UVRAG: variants seen among roughly 807,000 people sequenced by gnomAD.
UVRAG encodes the protein UV radiation resistance associated.
A neutral mutation model predicts 78.0 loss-of-function variants in UVRAG; 19 were observed. The observed-to-expected ratio is 0.24, with a 90% CI of 0.17 to 0.36. The LOEUF (loss-of-function observed/expected upper bound fraction) is 0.36, where lower values mean the gene tolerates loss of function less well. UVRAG is among the 10% of genes least tolerant of loss of function. The probability of loss-of-function intolerance (pLI) is 1.00; values close to 1 mark genes in which losing one functional copy is unlikely to be tolerated. For synonymous variants in UVRAG, 323 were observed against 324.6 expected, an observed-to-expected ratio of 1.00 and a Z score of 0.05; for missense variants, 740 against 853.8, an observed-to-expected ratio of 0.87 and a Z score of 1.66.
At chr11:75,835,412 G>A (rs749368710) in intron 1 of UVRAG, 9 of 152,134 alleles carry the variant, frequency 5.9e-5, no homozygotes, top group Admixed American at 3.9e-4. Flanking sequence ...ATGTGACACA[G>A]TGGGAAGAAC....
At chr11:75,864,016 G>A (rs913722634) in intron 3 of UVRAG, among the ~76,000 whole-genome samples, 2 of 151,642 alleles carry the variant, frequency 1.3e-5, no homozygotes, top group Admixed American at 6.6e-5. Context: ...ATTTTGGCAA[G>A]GATTCTTTTT....
At chr11:76,019,922 A>C (rs1950211956) in intron 12 of UVRAG, among the ~76,000 whole-genome samples, 1 of 152,104 alleles carries the variant, frequency 6.6e-6, no homozygotes, top group African/African-American at 2.4e-5. Context: ...TCAGGGCAGC[A>C]AGTTTCCCCC....
chr11:76,030,955 A>G (rs948335735), intron 12 of UVRAG, among the ~76,000 whole-genome samples: 4 of 152,318 alleles, frequency 2.6e-5, no homozygotes, highest in Middle Eastern at 6.8e-3. Flanking sequence ...AAATATTTTC[A>G]GGGTAGAAAC....
rs190676012 is a variant in UVRAG, at chr11:75,868,220, T to C, written c.270+6440T>C. Among the ~76,000 whole-genome samples, 7 of 152,276 alleles carry C rather than the reference T, an allele frequency of 4.6e-5. No individual in the cohort carries two copies. In the East Asian group the frequency reaches 1.3e-3, roughly 29 times the overall value. Reference sequence around the variant, plus strand: ...GACAGAAGTGAGGGAACAAGCTATATAGCTATTTCAGGAATACTGTTACGG... The same window carrying C: ...GACAGAAGTGAGGGAACAAGCTATACAGCTATTTCAGGAATACTGTTACGG... On this transcript the variant is annotated intron_variant, in intron 3 of 14. Transcript: ENST00000356136.
chr11:76,029,603 C>G (rs1170354545), intron 12 of UVRAG, among the ~76,000 whole-genome samples: 2 of 152,026 alleles, frequency 1.3e-5, no homozygotes, highest in Middle Eastern at 3.2e-3. Context: ...ATAACTATTT[C>G]ATGATAAAAG....
chr11:76,127,621 CA>C, intron 14 of UVRAG, among the ~76,000 whole-genome samples: 1 of 119,750 alleles, frequency 8.4e-6, no homozygotes. Flanking sequence ...GCAACAAGAA[CA>C]AAACTCCGTC....
At chr11:75,993,972 A>G (rs1041066524) in intron 8 of UVRAG, among the ~76,000 whole-genome samples, 5 of 152,186 alleles carry the variant, frequency 3.3e-5, no homozygotes, top group African/African-American at 1.2e-4. Flanking sequence ...TACCAAAGCA[A>G]GAACTCACTA....
chr11:75,923,823 A>G (rs1437046332), intron 6 of UVRAG, among the ~76,000 whole-genome samples: 1 of 152,160 alleles, frequency 6.6e-6, no homozygotes, highest in East Asian at 1.9e-4. Context: ...GTTTTATTTT[A>G]TAATTCTTTT....
At chr11:75,976,095 A>C (rs200116016) in intron 7 of UVRAG, among the ~76,000 whole-genome samples, 6,223 of 152,278 alleles carry the variant, frequency 0.041, 205 homozygotes, top group East Asian at 0.17. Context: ...GAATTTTGTC[A>C]AAGGCTTTTT....
chr11:75,818,481 A>G (rs572575474), intron 1 of UVRAG, among the ~76,000 whole-genome samples: 6 of 143,156 alleles, frequency 4.2e-5, no homozygotes, highest in East Asian at 4.0e-4. Context: ...CAAGGTATCA[A>G]TTTTTTTTTT....
chr11:76,114,828 T>A (rs187038606), intron 13 of UVRAG, among the ~76,000 whole-genome samples: 1 of 152,312 alleles, frequency 6.6e-6, no homozygotes, highest in Admixed American at 6.5e-5. Context: ...ATTCACATGA[T>A]TTGTGGTTTT....
intron 3 of UVRAG, among the ~76,000 whole-genome samples, chr11:75,874,112 C>G: frequency 6.6e-6 from 1 of 152,074 alleles, no homozygotes; most frequent in East Asian, 1.9e-4. Context: ...GTGGAGTCTC[C>G]CCAGTTCTTT....
At chr11:76,056,567 A>C (rs1305234694) in intron 12 of UVRAG, among the ~76,000 whole-genome samples, 1 of 152,016 alleles carries the variant, frequency 6.6e-6, no homozygotes, top group African/African-American at 2.4e-5. Context: ...TCCTTGTTGT[A>C]TAAGTTAAAC....
At position 75,993,382 on chromosome 11, in the gene UVRAG, A is replaced by G. The variant is rs559141034; in HGVS notation, c.826+9869A>G. Among the ~76,000 whole-genome samples, 6 of 152,280 alleles carry G rather than the reference A, an allele frequency of 3.9e-5. No homozygotes were observed. In the South Asian group the frequency reaches 6.2e-4, roughly 16 times the overall value. On this transcript the variant is annotated intron_variant, in intron 8 of 14. Transcript: ENST00000356136. ...GGCAGTGGTTCTCAACTTGTGGTCT[A>G]TGGCAACTTCCAGCTGGGTCATGAG... is the stretch of plus-strand genomic sequence containing the variant.
intron 4 of UVRAG, among the ~76,000 whole-genome samples, chr11:75,885,012 C>T (rs1691482247): frequency 6.7e-6 from 1 of 149,104 alleles, no homozygotes; most frequent in African/African-American, 2.5e-5. Context: ...ATAGATATGT[C>T]TCTCCATTTA....
At chr11:76,075,963 G>A (rs772297309) in intron 13 of UVRAG, among the ~76,000 whole-genome samples, 3 of 152,084 alleles carry the variant, frequency 2.0e-5, no homozygotes, top group Admixed American at 6.6e-5. Flanking sequence ...AGATGTGTAT[G>A]TATATACGAC....
Position 75,836,758 on chromosome 11 carries a change from G to T in UVRAG, c.118-15125G>T, listed in dbSNP as rs536691450. Among the ~76,000 whole-genome samples the T allele has an allele frequency of 5.7e-4, 86 of 152,192 alleles. 2 individuals are homozygous for T. In the South Asian group the frequency reaches 0.017, roughly 30 times the overall value. On this transcript the variant is annotated intron_variant, in intron 1 of 14. Transcript: ENST00000356136. ...TTAAGAAGGTGCAAGTCATTAAAAA[G>T]CATTAAACTTTAACATGCTAACTTC...
At chr11:75,981,874 G>A (rs1439960149) in intron 7 of UVRAG, among the ~76,000 whole-genome samples, 1 of 150,050 alleles carries the variant, frequency 6.7e-6, no homozygotes, top group East Asian at 2.0e-4. Context: ...ATTTCCATTT[G>A]GTTCTTTATA....
chr11:76,131,292 T>C (rs1952509141), intron 14 of UVRAG, among the ~76,000 whole-genome samples: 3 of 152,204 alleles, frequency 2.0e-5, no homozygotes. Flanking sequence ...GTGTATTCCC[T>C]GATCCCATGG....
Sources: allele counts gnomAD v4.1 joint callset (sites outside exome capture counted in the v4.1 genomes callset), GRCh38; gene constraint gnomAD v4.1.1; transcripts MANE v1.5; gene names NCBI Gene and HGNC (gene_info 2026-07-23, HGNC 2026-07-21).